Variants in ABCA7 observed in about 807,000 individuals in gnomAD.
The protein encoded by ABCA7 is phospholipid-transporting ATPase ABCA7.
ABCA7 carries 261 observed loss-of-function variants against 227.6 expected under a neutral mutation model. That is an observed-to-expected ratio of 1.15 (90% CI 1.04 to 1.27). The LOEUF is 1.27. Ranked by LOEUF, ABCA7 falls within the 50% of genes most tolerant of loss-of-function variation. The pLI is 0.00. For missense variants in ABCA7, 3,331 were observed against 2,924.5 expected, an observed-to-expected ratio of 1.14 and a Z score of -3.21; for synonymous variants, 1,488 against 1,279.7, an observed-to-expected ratio of 1.16 and a Z score of -3.47.
chr19:1,043,552 C>A (rs778216019), intron 9 of ABCA7, 79 bp downstream of exon 9: 1 of 1,605,156 alleles, frequency 6.2e-7, no homozygotes, highest in African/African-American at 1.3e-5. Flanking sequence ...TGGGCCAGGG[C>A]CAGGCCGGAG....
chr19:1,046,240 C>T lies in ABCA7; in HGVS notation c.1456C>T (p.Pro486Ser). 1 of 1,607,026 alleles carries T rather than the reference C, an allele frequency of 6.2e-7. No individual in the cohort carries two copies. Among genetic ancestry groups the T allele is most frequent in the Non-Finnish European group, 8.5e-7 (1 of 1,179,676 alleles). The change falls in exon 13 of 47, where the codon CCT (proline) becomes TCT (serine). Residue 486 changes from proline to serine, a missense_variant. Physicochemically the swap from Pro to Ser is moderately conservative, Grantham distance 74 (BLOSUM62 -1). Coordinates refer to ENST00000263094, the MANE Select transcript of ABCA7 (RefSeq NM_019112.4). ...ATGCCCCTCTCGCAGGTTTTGGGAC[C>T]CTGGCCCAGCCGCGGACCCCCTGAC... Reference protein sequence around the residue: ...TNKIRDRFWDPGPAADPLTDL... With the variant: ...TNKIRDRFWDSGPAADPLTDL...
intron 40 of ABCA7, among the ~76,000 whole-genome samples, chr19:1,060,195 G>GTATATATATATATATATATATATATATA (rs138175754): frequency 7.5e-5 from 4 of 53,504 alleles, no homozygotes; most frequent in Admixed American, 4.6e-4. Context: ...ACACATTGCA[G>GTATATATATATATATATATATATATATA]TATATATATA....
intron 45 of ABCA7, chr19:1,064,674 G>T: frequency 1.7e-6 from 1 of 571,882 alleles, no homozygotes; most frequent in Non-Finnish European, 2.9e-6. Context: ...TGGGGTGATA[G>T]CTTCGAGAGC....
At chr19:1,057,238 C>A in intron 34 of ABCA7, 76 bp from the exon 35 acceptor site, 1 of 1,575,858 alleles carries the variant, frequency 6.3e-7, no homozygotes. Context: ...GCAAGGAGGT[C>A]AGGGTGGGAA....
chr19:1,053,005 T>C (rs1386193395), intron 23 of ABCA7, among the ~76,000 whole-genome samples: 2 of 152,114 alleles, frequency 1.3e-5, no homozygotes, highest in Admixed American at 1.3e-4. Flanking sequence ...GCATTTCTCC[T>C]CCCTCAGCCT....
At chr19:1,045,726 C>G (rs958356598) in intron 12 of ABCA7, 1 of 157,564 alleles carries the variant, frequency 6.3e-6, no homozygotes, top group Admixed American at 6.0e-5. Flanking sequence ...TGAGGCCGGG[C>G]ACAGTGGCTC....
In ABCA7 at chr19:1,043,766, C is replaced by G; in HGVS notation, c.972C>G (p.Val324=). ...TFEELTLLRD[V]REVWEMLGPR... ...AGGAGCTCACCCTGCTGAGGGATGT[C>G]CGGGAGGTGTGGGAGATGCTGGGAC... Residue 324 remains valine (V), a synonymous_variant, in exon 10 of 47, where the codon GTC becomes GTG. Transcript: ENST00000263094. The G allele has an allele frequency of 6.2e-7, 1 of 1,613,058 alleles. No homozygotes were observed. The highest frequency in any genetic ancestry group is 1.7e-4 in the Middle Eastern group (1 of 6,060).
In ABCA7 at chr19:1,058,073, A is replaced by G; in HGVS notation, c.5025+14A>G. 1 of 1,614,010 alleles carries G rather than the reference A, an allele frequency of 6.2e-7. No individual in the cohort carries two copies. Among genetic ancestry groups the G allele is most frequent in the Non-Finnish European group, 8.5e-7 (1 of 1,179,974 alleles). On this transcript the variant is annotated intron_variant, in intron 36 of 46. Transcript: ENST00000263094. The stretch of plus-strand genomic sequence containing the variant: ...TTCTCTGATCAGGTGGGGCACCACG[A>G]GGCTGGGGCTTGGGCTGGGTTGGGT...
chr19:1,048,241 T>A (rs999307269), intron 16 of ABCA7, among the ~76,000 whole-genome samples: 2 of 143,742 alleles, frequency 1.4e-5, no homozygotes, highest in African/African-American at 5.2e-5. Context: ...CTCACGCCTG[T>A]AATCCCAGCA....
Position 1,065,558 on chromosome 19 carries a change from G to C in ABCA7, c.*133G>C. 1 of 1,134,964 alleles carries C rather than the reference G, an allele frequency of 8.8e-7. No homozygotes were observed. The highest frequency in any genetic ancestry group is 1.2e-6 in the Non-Finnish European group (1 of 813,320). The allele number at this position is 1,134,964 out of a possible 1,614,324, so 70.3% of individuals were successfully genotyped here. On this transcript the variant is annotated 3_prime_UTR_variant, in exon 47 of 47. Transcript: ENST00000263094. ...AAAATAAAGAGAAGGCTGGAGAGAA[G>C]CCGTGGTGGTGAAACCGTGTGCATG... is the stretch of plus-strand genomic sequence containing the variant.
chr19:1,061,528 C>G (rs1008745396), intron 40 of ABCA7, among the ~76,000 whole-genome samples: 1 of 134,572 alleles, frequency 7.4e-6, no homozygotes, highest in African/African-American at 2.7e-5. Flanking sequence ...AACCCCATCT[C>G]TACTAAAAAA....
rs755052808 is a variant in ABCA7 at position 1,046,825 on chromosome 19, C to G, written c.1646C>G (p.Ser549Trp). Residue 549 changes from serine (S) to tryptophan (W), a missense_variant, in exon 14 of 47, where the codon TCG becomes TGG. Physicochemically the swap from Ser to Trp is radical, Grantham distance 177 (BLOSUM62 -3). Transcript: ENST00000263094. ...AGGTTCCTGCGTGTGCTGAGCCGGTCGCTGCCGCTCTTCCTGACGCTGGCC... is the reference window on the plus strand; with the variant it reads ...AGGTTCCTGCGTGTGCTGAGCCGGTGGCTGCCGCTCTTCCTGACGCTGGCC... Reference protein sequence around the residue: ...DDVFLRVLSRSLPLFLTLAWI... With the variant: ...DDVFLRVLSRWLPLFLTLAWI... 3 of 1,538,940 alleles carry G rather than the reference C, an allele frequency of 1.9e-6. No homozygotes were observed. In the South Asian group the frequency reaches 3.6e-5, roughly 18 times the overall value.
intron 34 of ABCA7, 85 bp from the exon 35 acceptor site, chr19:1,057,229 C>A: frequency 6.4e-7 from 1 of 1,565,914 alleles, no homozygotes; most frequent in Non-Finnish European, 8.8e-7. Flanking sequence ...ACTCAAAAAG[C>A]AAGGAGGTCA....
chr19:1,062,107 G>C, intron 41 of ABCA7, 65 bp from the exon 42 acceptor site: 1 of 1,584,016 alleles, frequency 6.3e-7, no homozygotes, highest in Non-Finnish European at 8.6e-7. Context: ...TGAGACCCCT[G>C]TGTTAGCCAC....
rs574102454 is a variant in ABCA7 at position 1,050,054 on chromosome 19, C to G, written c.2552+617C>G. ...CTCCCTGTGAGGCCCCCGACCAGTC[C>G]CTCCCTGTGAGCAGTAATGGCGCCA... On this transcript the variant is annotated intron_variant, in intron 18 of 46. Transcript: ENST00000263094. Among the ~76,000 whole-genome samples the G allele has an allele frequency of 2.0e-5, 3 of 148,850 alleles. No homozygotes were observed. The Admixed American group carries it at 2.0e-4, about 10-fold the overall frequency.
In ABCA7 at chr19:1,042,780, A is replaced by G; in HGVS notation, c.533A>G (p.Glu178Gly). 6.2e-7 allele frequency: 1 copy of G among 1,613,374 alleles called. No individual in the cohort carries two copies. The highest frequency in any genetic ancestry group is 8.5e-7 in the Non-Finnish European group (1 of 1,179,942). Residue 178 changes from glutamate (E) to glycine (G), a missense_variant, in exon 7 of 47, where the codon GAG becomes GGG. Coordinates refer to ENST00000263094, the MANE Select transcript of ABCA7 (RefSeq NM_019112.4). ...GGGTTGGCACTGGGCCAAGCCCAGG[A>G]GCCCTTGCACAGCTTGTTGGAGGCC... ...SLGLALGQAQ[E>G]PLHSLLEAAE...
At position 1,044,991 on chromosome 19, in the gene ABCA7, G is replaced by A. The variant is rs754187080; in HGVS notation, c.1216-11G>A. On this transcript the variant is annotated splice_polypyrimidine_tract_variant and intron_variant, in intron 11 of 46. Transcript: ENST00000263094. ...ACCCCAGCGCCTAGGACTCACCCCC[G>A]CATCCCACAGTGCCTGTCCTTGGAC... 1.9e-6 allele frequency: 3 copies of A among 1,611,758 alleles called. No individual in the cohort carries two copies. In the Admixed American group the frequency reaches 5.0e-5, roughly 27 times the overall value.
At position 1,056,349 on chromosome 19, in the gene ABCA7, G is replaced by T. The variant is rs765047449; in HGVS notation, c.4436G>T (p.Gly1479Val). 6.2e-7 allele frequency: 1 copy of T among 1,613,332 alleles called. No individual in the cohort carries two copies. Among genetic ancestry groups the T allele is most frequent in the Non-Finnish European group, 8.5e-7 (1 of 1,179,952 alleles). The change falls in exon 33 of 47, where the codon GGC (glycine) becomes GTC (valine). Residue 1479 changes from glycine (G) to valine (V), a missense_variant. Gly to Val is a moderately radical substitution (Grantham distance 109). Coordinates refer to ENST00000263094, the MANE Select transcript of ABCA7 (RefSeq NM_019112.4). This position sits in a 1 kb window ranked among gnomAD's most constrained non-coding sequence, Gnocchi z 4.3. ...ACCCAGATCTGGTTCAACAACAAAG[G>T]CTGGCACTCCATGGTGGCCTTTGTC... ...DSLKIWFNNK[G>V]WHSMVAFVNR...
chr19:1,043,936 A>AATTT, intron 10 of ABCA7, 95 bp downstream of exon 10: 2 of 841,396 alleles, frequency 2.4e-6, no homozygotes, highest in Non-Finnish European at 3.5e-6. Context: ...GCAGACCCCC[A>AATTT]CTTTTTTTTT....
Sources: gnomAD v4.1 joint callset for allele counts (sites outside exome capture counted in the v4.1 genomes callset) on GRCh38, gnomAD v4.1.1 for gene constraint, Gnocchi (gnomAD v3.1) non-coding constraint, MANE v1.5 for transcripts, NCBI Gene and HGNC (gene_info 2026-07-23, HGNC 2026-07-21) for gene names.